The following N4BP1 variants were observed in gnomAD, a reference collection of about 807,000 sequenced individuals.
N4BP1 encodes the protein NEDD4 binding protein 1.
N4BP1 carries 21 observed loss-of-function variants against 70.9 expected under a neutral mutation model. That is an observed-to-expected ratio of 0.30 (90% CI 0.21 to 0.43). The LOEUF (loss-of-function observed/expected upper bound fraction) is 0.43, where lower values mean the gene tolerates loss of function less well. N4BP1 is among the 20% of genes least tolerant of loss of function. The probability of loss-of-function intolerance (pLI) is 1.00; values close to 1 mark genes in which losing one functional copy is unlikely to be tolerated. For synonymous variants in N4BP1, 387 were observed against 394.6 expected (o/e 0.98, Z 0.23); for missense variants, 936 against 1,069.4 (o/e 0.88, Z 1.74).
intron 2 of N4BP1, among the ~76,000 whole-genome samples, chr16:48,560,103 GA>G (rs35489334): frequency 1.3e-5 from 2 of 151,610 alleles, no homozygotes; most frequent in African/African-American, 4.8e-5. Flanking sequence ...CTGCCCCTTA[GA>G]AAAAAAACCC....
chr16:48,586,536 AT>A (rs1246500633), intron 1 of N4BP1, among the ~76,000 whole-genome samples: 2 of 152,218 alleles, frequency 1.3e-5, no homozygotes, highest in African/African-American at 4.8e-5. Flanking sequence ...TTACAACAGT[AT>A]ATATACTCTT....
rs1400665778 is a variant in N4BP1, at chr16:48,582,429, T to C, written c.199-19985A>G. Among the ~76,000 whole-genome samples the C allele has an allele frequency of 2.7e-5, 4 of 149,924 alleles. No homozygotes were observed. In the East Asian group the frequency reaches 5.8e-4, roughly 22 times the overall value. Reference sequence around the variant, plus strand: ...TTGGTTATCAGATCGACTGTAGCAGTATCTAGGTGGCCATCTTCAAGTTGC... The same window carrying C: ...TTGGTTATCAGATCGACTGTAGCAGCATCTAGGTGGCCATCTTCAAGTTGC... On this transcript the variant is annotated intron_variant, in intron 1 of 6. Coordinates refer to ENST00000262384, the MANE Select transcript of N4BP1 (RefSeq NM_153029.4).
intron 1 of N4BP1, among the ~76,000 whole-genome samples, chr16:48,597,858 G>A (rs1043437134): frequency 2.0e-5 from 3 of 152,110 alleles, no homozygotes; most frequent in Non-Finnish European, 4.4e-5. Flanking sequence ...AACCTATGAC[G>A]GCTGCATGCA....
intron 6 of N4BP1, among the ~76,000 whole-genome samples, chr16:48,544,320 C>T (rs1451660322): frequency 6.6e-6 from 1 of 152,174 alleles, no homozygotes; most frequent in Non-Finnish European, 1.5e-5. Context: ...AAAAGAAACC[C>T]ATCACCACCT....
chr16:48,603,642 G>A (rs1224796491), intron 1 of N4BP1: 1 of 152,078 alleles, frequency 6.6e-6, no homozygotes, highest in Non-Finnish European at 1.5e-5. Context: ...TAAGATGTAT[G>A]GAACACTTGT....
At chr16:48,568,580 T>C (rs1425209742) in intron 1 of N4BP1, among the ~76,000 whole-genome samples, 15 of 152,246 alleles carry the variant, frequency 9.9e-5, no homozygotes. Flanking sequence ...CTGAGAATGC[T>C]TTATTTCATT....
At chr16:48,568,723 T>G (rs909806669) in intron 1 of N4BP1, among the ~76,000 whole-genome samples, 1 of 152,218 alleles carries the variant, frequency 6.6e-6, no homozygotes, top group Non-Finnish European at 1.5e-5. Flanking sequence ...ATTGTGCCAC[T>G]TTCTTCTGTC....
intron 5 of N4BP1, 58 bp from the exon 6 acceptor site, chr16:48,546,312 G>C (rs561363898): frequency 1.6e-6 from 2 of 1,254,288 alleles, no homozygotes; most frequent in Non-Finnish European, 2.2e-6. Context: ...CAGGGCCTGC[G>C]TAAGGATCCC....
chr16:48,584,232 T>C (rs924078266), intron 1 of N4BP1, among the ~76,000 whole-genome samples: 2 of 152,238 alleles, frequency 1.3e-5, no homozygotes, highest in African/African-American at 4.8e-5. Flanking sequence ...ATGAGACACC[T>C]CAAGAAAATC....
Position 48,560,785 on chromosome 16 carries a change from T to G in N4BP1, c.1858A>C (p.Ile620Leu). 6.2e-7 allele frequency: 1 copy of G among 1,611,218 alleles called. No homozygotes were observed. Among genetic ancestry groups the G allele is most frequent in the Non-Finnish European group, 8.5e-7 (1 of 1,178,936 alleles). The change falls in exon 2 of 7, where the codon ATT (isoleucine) becomes CTT (leucine). Residue 620 changes from isoleucine (I) to leucine (L), a missense_variant. Physicochemically the swap from Ile to Leu is conservative, Grantham distance 5. This residue lies in a region of N4BP1 where 229 missense variants were observed against 343.5 expected (regional missense o/e 0.67). Coordinates refer to ENST00000262384, the MANE Select transcript of N4BP1 (RefSeq NM_153029.4). ...NEPGRTDLKH[I>L]VIDGSNVAIT... ...GCAACATTGCTCCCATCTATAACAA[T>G]GTGTTTCAAATCCGTTCTCCCTGGT... is the stretch of plus-strand genomic sequence containing the variant.
intron 1 of N4BP1, among the ~76,000 whole-genome samples, chr16:48,590,289 C>T (rs927572292): frequency 6.6e-6 from 1 of 152,140 alleles, no homozygotes; most frequent in Admixed American, 6.5e-5. Context: ...CAGCACTCCC[C>T]ACTTCCCAAG....
chr16:48,571,925 G>A (rs1964025810), intron 1 of N4BP1, among the ~76,000 whole-genome samples: 1 of 152,134 alleles, frequency 6.6e-6, no homozygotes, highest in Non-Finnish European at 1.5e-5. Flanking sequence ...GGAAGCCTGG[G>A]TGAGGTCACG....
intron 2 of N4BP1, among the ~76,000 whole-genome samples, chr16:48,554,611 A>G (rs1490866051): frequency 6.6e-6 from 1 of 152,256 alleles, no homozygotes; most frequent in Admixed American, 6.5e-5. Context: ...GCTGTAGTTT[A>G]TGAGATTAGC....
chr16:48,562,277 T>C lies in N4BP1; in HGVS notation c.366A>G (p.Gly122=). 6.2e-7 allele frequency: 1 copy of C among 1,613,922 alleles called. No homozygotes were observed. The highest frequency in any genetic ancestry group is 8.5e-7 in the Non-Finnish European group (1 of 1,179,862). Residue 122 remains glycine (G), a synonymous_variant, in exon 2 of 7, where the codon GGA becomes GGG. Coordinates refer to ENST00000262384, the MANE Select transcript of N4BP1 (RefSeq NM_153029.4). ...TAGCCATGACCACAGCCTCAGCACT[T>C]CCTCTGATGCCAAGAAGGCCAATGT... is the stretch of plus-strand genomic sequence containing the variant. The part of the protein sequence containing the change: ...ILDIGLLGIR[G]SAEAVVMARS...
At chr16:48,609,265 C>T (rs1035164332) in intron 1 of N4BP1, among the ~76,000 whole-genome samples, 1 of 152,114 alleles carries the variant, frequency 6.6e-6, no homozygotes. Context: ...TGACATTCTC[C>T]GAGCGTTTTA....
rs569267974 is a variant in N4BP1 at position 48,556,745 on chromosome 16, G to A, written c.1890-3076C>T. ...CAGCCATAGCACCAGACAGGGCAGTGTGGGGACAATGGAAAGTCCTTTCTG... is the reference window on the plus strand; with the variant it reads ...CAGCCATAGCACCAGACAGGGCAGTATGGGGACAATGGAAAGTCCTTTCTG... On this transcript the variant is annotated intron_variant, in intron 2 of 6. Transcript: ENST00000262384. 1.4e-4 allele frequency among the ~76,000 whole-genome samples: 22 copies of A among 152,326 alleles called. No individual in the cohort carries two copies. The South Asian group carries it at 4.1e-3, about 29-fold the overall frequency.
At chr16:48,609,357 G>C (rs1341056325) in intron 1 of N4BP1, among the ~76,000 whole-genome samples, 1 of 152,224 alleles carries the variant, frequency 6.6e-6, no homozygotes, top group African/African-American at 2.4e-5. Context: ...GGAGGCCCGG[G>C]ACTGGGGGAT....
At chr16:48,580,042 C>T (rs941090787) in intron 1 of N4BP1, among the ~76,000 whole-genome samples, 4 of 151,784 alleles carry the variant, frequency 2.6e-5, no homozygotes, top group Admixed American at 2.0e-4. Context: ...CAGTTCAAGA[C>T]CAGCCTGGGC....
At position 48,561,994 on chromosome 16, in the gene N4BP1, G is replaced by C; in HGVS notation, c.649C>G (p.Gln217Glu). The change falls in exon 2 of 7, where the codon CAG (glutamine) becomes GAG (glutamate). Residue 217 changes from glutamine (Q) to glutamate (E), a missense_variant. By Grantham distance (29) the Gln-to-Glu change is conservative (BLOSUM62 2). This residue lies in a region of N4BP1 where 515 missense variants were observed against 491.7 expected (regional missense o/e 1.05). Transcript: ENST00000262384. Reference sequence around the variant, plus strand: ...ATATTCAGCCCTGTGGCAGCATTCTGTGTAAACTCTGTTTGTTGAGAATCT... The same window carrying C: ...ATATTCAGCCCTGTGGCAGCATTCTCTGTAAACTCTGTTTGTTGAGAATCT... ...MRDSQQTEFT[Q>E]NAATGLNISR... 2 of 1,613,916 alleles carry C rather than the reference G, an allele frequency of 1.2e-6. No homozygotes were observed. Among genetic ancestry groups the C allele is most frequent in the Non-Finnish European group, 1.7e-6 (2 of 1,179,886 alleles).
Sources: gnomAD v4.1 joint callset for allele counts (sites outside exome capture counted in the v4.1 genomes callset) on GRCh38, gnomAD v4.1.1 for gene constraint, gnomAD v4.1.1 regional missense constraint, MANE v1.5 for transcripts, NCBI Gene and HGNC (gene_info 2026-07-23, HGNC 2026-07-21) for gene names.